The following ZNF782 variants were observed in gnomAD, a reference collection of about 807,000 sequenced individuals.
ZNF782 encodes zinc finger protein 782.
A neutral mutation model predicts 13.0 loss-of-function variants in ZNF782; 12 were observed. The ratio of observed to expected loss-of-function variants is 0.92; its 90% CI spans 0.59 to 1.50. The LOEUF is 1.50. ZNF782 is among the 40% of genes most tolerant of loss of function. The pLI, the probability that ZNF782 is intolerant of heterozygous loss-of-function variation, is 0.00. For missense variants in ZNF782, 770 were observed against 822.9 expected (o/e 0.94, Z 0.79); for synonymous variants, 284 against 283.0 (o/e 1.00, Z -0.04).
upstream of ZNF782, among the ~76,000 whole-genome samples, chr9:96,876,754 C>T (rs1429056637): frequency 4.0e-5 from 6 of 151,726 alleles, no homozygotes; most frequent in African/African-American, 1.4e-4. Context: ...GCCTGTAATC[C>T]CAACACTTTG....
chr9:96,857,103 T>G (rs957725067), upstream of ZNF782, among the ~76,000 whole-genome samples: 2 of 152,242 alleles, frequency 1.3e-5, no homozygotes, highest in Admixed American at 6.5e-5. Flanking sequence ...GTTTTACATA[T>G]TCAAGCTTGA....
chr9:96,892,869 T>C, the ZNF782 span: 1 of 151,408 alleles, frequency 6.6e-6, no homozygotes, highest in South Asian at 2.1e-4. Flanking sequence ...TACTAAATTA[T>C]TCAAACTGTC....
At chr9:96,882,818 G>A in the ZNF782 span, among the ~76,000 whole-genome samples, 1 of 152,192 alleles carries the variant, frequency 6.6e-6, no homozygotes. Flanking sequence ...GGACACTGTG[G>A]CCTCAAAAGA....
At chr9:96,865,296 C>T (rs1445071875) in intron 1 of ZNF782, among the ~76,000 whole-genome samples, 2 of 152,066 alleles carry the variant, frequency 1.3e-5, no homozygotes, top group Admixed American at 1.3e-4. Flanking sequence ...TGGGAGGGAC[C>T]CAGTGGGAGT....
chr9:96,918,060 C>T, the ZNF782 span, among the ~76,000 whole-genome samples: 1 of 150,994 alleles, frequency 6.6e-6, no homozygotes, highest in Non-Finnish European at 1.5e-5. Context: ...GAATTTATTG[C>T]GCACATTTAA....
Position 96,819,439 on chromosome 9 carries a change from G to T in ZNF782, c.584C>A (p.Thr195Asn). The change falls in exon 6 of 6, where the codon ACC becomes AAC. Residue 195 changes from threonine to asparagine, a missense_variant. Transcript: ENST00000481138. ...AATAACTTCCTCCTTATGATGGAGG[G>T]TTTTCACAATTTTACTATAAGCGAA... ...KSFAYSKIVK[T>N]LHHKEEVIQH... 6.2e-7 allele frequency: 1 copy of T among 1,613,778 alleles called. No homozygotes were observed. Among genetic ancestry groups the T allele is most frequent in the Non-Finnish European group, 8.5e-7 (1 of 1,179,958 alleles).
chr9:96,906,208 T>G, the ZNF782 span, among the ~76,000 whole-genome samples: 528 of 152,136 alleles, frequency 3.5e-3, 1 homozygote, highest in African/African-American at 0.012. Flanking sequence ...ATAACCAAAC[T>G]TGATTTATCC....
chr9:96,924,596 AC>A, the ZNF782 span, among the ~76,000 whole-genome samples: 1 of 133,464 alleles, frequency 7.5e-6, no homozygotes, highest in Non-Finnish European at 1.6e-5. Context: ...TCATTGACAA[AC>A]GAGCATATTA....
chr9:96,879,295 T>C (rs559802595), upstream of ZNF782, among the ~76,000 whole-genome samples: 13 of 152,312 alleles, frequency 8.5e-5, no homozygotes, highest in Admixed American at 5.9e-4. Context: ...GAGACCATCC[T>C]GGCTAACACG....
At chr9:96,900,981 G>A in the ZNF782 span, among the ~76,000 whole-genome samples, 1 of 146,430 alleles carries the variant, frequency 6.8e-6, no homozygotes, top group Non-Finnish European at 1.5e-5. Flanking sequence ...CCAACCTGGT[G>A]AAACCCCGTC....
At chr9:96,907,911 G>A in the ZNF782 span, among the ~76,000 whole-genome samples, 1 of 151,756 alleles carries the variant, frequency 6.6e-6, no homozygotes, top group African/African-American at 2.4e-5. Flanking sequence ...AAAGTGCTGG[G>A]ATTACAGGTG....
chr9:96,903,943 G>A, the ZNF782 span, among the ~76,000 whole-genome samples: 5 of 151,884 alleles, frequency 3.3e-5, no homozygotes, highest in Non-Finnish European at 7.3e-5. Flanking sequence ...CTTTATAAAA[G>A]GCTGCCAAGT....
At chr9:96,921,096 A>G in the ZNF782 span, among the ~76,000 whole-genome samples, 2 of 147,428 alleles carry the variant, frequency 1.4e-5, no homozygotes, top group African/African-American at 5.1e-5. Context: ...AACTTGTAGC[A>G]TATGTAAAGT....
chr9:96,880,144 G>C (rs1433484204), upstream of ZNF782, among the ~76,000 whole-genome samples: 3 of 151,424 alleles, frequency 2.0e-5, no homozygotes, highest in African/African-American at 4.9e-5. Context: ...TGCATTTTGT[G>C]ATCCTGCTAA....
At chr9:96,859,034 C>CATGGAGGGA (rs1297431690), upstream of ZNF782, among the ~76,000 whole-genome samples, 92 of 152,192 alleles carry the variant, frequency 6.0e-4, no homozygotes, top group Middle Eastern at 3.4e-3. Context: ...AGTGCCCACC[C>CATGGAGGGA]ACGGAGGGAA....
intron 1 of ZNF782, among the ~76,000 whole-genome samples, chr9:96,862,461 A>T (rs552950086): frequency 6.6e-6 from 1 of 152,336 alleles, no homozygotes; most frequent in African/African-American, 2.4e-5. Context: ...GTAGGCCTGT[A>T]TCAAAATATT....
At chr9:96,862,408 T>C (rs888027929) in intron 1 of ZNF782, among the ~76,000 whole-genome samples, 3 of 152,222 alleles carry the variant, frequency 2.0e-5, no homozygotes, top group Admixed American at 6.5e-5. Flanking sequence ...GGATAAATGC[T>C]TGAGGTGTGA....
At chr9:96,913,720 TC>T in the ZNF782 span, among the ~76,000 whole-genome samples, 1 of 151,872 alleles carries the variant, frequency 6.6e-6, no homozygotes, top group Non-Finnish European at 1.5e-5. Flanking sequence ...AGACAGAGTT[TC>T]ACCATTTTGA....
At chr9:96,855,809 T>C (rs887777017), upstream of ZNF782, among the ~76,000 whole-genome samples, 8 of 152,242 alleles carry the variant, frequency 5.3e-5, no homozygotes, top group Admixed American at 2.6e-4. Context: ...AGTTCTACTT[T>C]TAGTTCTTTA....
Sources: allele counts gnomAD v4.1 joint callset (sites outside exome capture counted in the v4.1 genomes callset), GRCh38; gene constraint gnomAD v4.1.1; transcripts MANE v1.5; gene names NCBI Gene and HGNC (gene_info 2026-07-23, HGNC 2026-07-21).